The following NRG1 variants were observed in gnomAD, a reference collection of about 807,000 sequenced individuals.
NRG1 encodes neuregulin 1.
In NRG1, 18 loss-of-function variants were observed where a neutral mutation model predicts 63.8. That is an observed-to-expected ratio of 0.28 (90% CI 0.19 to 0.42). The LOEUF (loss-of-function observed/expected upper bound fraction) is 0.42. Among genes scored for constraint, NRG1 ranks in the 10% least tolerant of loss-of-function variants. The probability of loss-of-function intolerance (pLI) is 1.00; values close to 1 mark genes in which losing one functional copy is unlikely to be tolerated. For synonymous variants in NRG1, 302 were observed against 301.3 expected (o/e 1.00, Z -0.02); for missense variants, 762 against 814.7 (o/e 0.94, Z 0.79).
intron 1 of NRG1, among the ~76,000 whole-genome samples, chr8:31,793,966 T>C (rs1820955297): frequency 1.3e-5 from 2 of 152,118 alleles, no homozygotes; most frequent in African/African-American, 4.8e-5. Flanking sequence ...TCATTTTCTC[T>C]CTCTTTGGAA....
intron 1 of NRG1, among the ~76,000 whole-genome samples, chr8:32,428,570 A>G (rs1308867506): frequency 6.6e-6 from 1 of 152,182 alleles, no homozygotes; most frequent in African/African-American, 2.4e-5. Context: ...TTACGTGTGA[A>G]GGGAGGACAC....
intron 1 of NRG1, among the ~76,000 whole-genome samples, chr8:31,772,666 C>T (rs1335746724): frequency 6.6e-6 from 1 of 152,134 alleles, no homozygotes; most frequent in Non-Finnish European, 1.5e-5. Context: ...GGATTTGCTT[C>T]TCACTCCTAA....
At chr8:32,082,612 A>G (rs769627436) in intron 1 of NRG1, among the ~76,000 whole-genome samples, 3 of 152,170 alleles carry the variant, frequency 2.0e-5, no homozygotes, top group Non-Finnish European at 2.9e-5. Context: ...GCAGAAAACT[A>G]TATCTTAAAT....
intron 1 of NRG1, among the ~76,000 whole-genome samples, chr8:32,182,968 A>G (rs911007461): frequency 6.6e-6 from 1 of 152,230 alleles, no homozygotes; most frequent in African/African-American, 2.4e-5. Flanking sequence ...AAAAATTACA[A>G]TGAAAAACTG....
chr8:31,958,743 G>A (rs1350274046), intron 1 of NRG1, among the ~76,000 whole-genome samples: 2 of 152,146 alleles, frequency 1.3e-5, no homozygotes, highest in Admixed American at 6.5e-5. Flanking sequence ...AAAGTTGGGA[G>A]AAATCAAAAT....
chr8:31,813,527 T>TTTTTTG (rs1823124658), intron 1 of NRG1, among the ~76,000 whole-genome samples: 4 of 139,810 alleles, frequency 2.9e-5, no homozygotes, highest in Admixed American at 2.8e-4. Flanking sequence ...TTTTTTTTTT[T>TTTTTTG]TTTTTTGTTT....
At chr8:32,429,036 G>A (rs150841202) in intron 1 of NRG1, among the ~76,000 whole-genome samples, 2 of 152,186 alleles carry the variant, frequency 1.3e-5, no homozygotes, top group Non-Finnish European at 2.9e-5. Context: ...AGTGAACACT[G>A]ACTGCAAAAA....
intron 5 of NRG1, among the ~76,000 whole-genome samples, chr8:32,655,439 A>G (rs1363305598): frequency 2.0e-5 from 3 of 152,224 alleles, no homozygotes; most frequent in Non-Finnish European, 4.4e-5. Context: ...AGAGATTGTG[A>G]TAAGGACAAA....
chr8:31,837,988 A>G (rs986706766), intron 1 of NRG1, among the ~76,000 whole-genome samples: 1 of 152,118 alleles, frequency 6.6e-6, no homozygotes, highest in Non-Finnish European at 1.5e-5. Context: ...TCCTTTGGAT[A>G]TATACCCAGT....
At chr8:31,881,497 C>G (rs1037028395) in intron 1 of NRG1, among the ~76,000 whole-genome samples, 1 of 152,134 alleles carries the variant, frequency 6.6e-6, no homozygotes, top group Admixed American at 6.6e-5. Flanking sequence ...ATTCACAACC[C>G]TATAATGGCT....
intron 5 of NRG1, among the ~76,000 whole-genome samples, chr8:32,665,130 T>C (rs1803813045): frequency 6.6e-6 from 1 of 152,178 alleles, no homozygotes; most frequent in Non-Finnish European, 1.5e-5. Context: ...GAGTGTGTGT[T>C]CCCTTTAATA....
At chr8:32,646,696 A>G (rs1853623058) in intron 5 of NRG1, 1 of 985,292 alleles carries the variant, frequency 1.0e-6, no homozygotes, top group African/African-American at 1.7e-5. Context: ...AGAAAGAAAG[A>G]AAAAGGAGGA....
chr8:31,701,819 C>A (rs1810662256), intron 1 of NRG1, among the ~76,000 whole-genome samples: 1 of 152,182 alleles, frequency 6.6e-6, no homozygotes, highest in South Asian at 2.1e-4. Flanking sequence ...GCTTCTCAAA[C>A]TTTAGCAATG....
intron 1 of NRG1, among the ~76,000 whole-genome samples, chr8:31,918,183 A>G (rs1054025576): frequency 6.6e-6 from 1 of 152,170 alleles, no homozygotes; most frequent in Admixed American, 6.5e-5. Flanking sequence ...TCCTAATTGA[A>G]TACCCTTTAT....
intron 1 of NRG1, among the ~76,000 whole-genome samples, chr8:31,989,183 G>T (rs940792740): frequency 7.0e-6 from 1 of 142,092 alleles, no homozygotes; most frequent in Admixed American, 7.3e-5. Flanking sequence ...GGAGGCAGAG[G>T]TTGCAGTGAA....
chr8:31,826,620 C>T (rs1271986170), intron 1 of NRG1, among the ~76,000 whole-genome samples: 2 of 139,730 alleles, frequency 1.4e-5, no homozygotes, highest in Non-Finnish European at 1.7e-5. Context: ...TACTACCTAT[C>T]CTCCTCCTGG....
intron 1 of NRG1, among the ~76,000 whole-genome samples, chr8:32,415,104 T>A (rs1276222469): frequency 6.6e-6 from 1 of 152,124 alleles, no homozygotes; most frequent in African/African-American, 2.4e-5. Context: ...TGTGGGGGAA[T>A]GTGTTCTATA....
chr8:32,246,165 C>T (rs1473473032), intron 1 of NRG1, among the ~76,000 whole-genome samples: 1 of 152,100 alleles, frequency 6.6e-6, no homozygotes, highest in Non-Finnish European at 1.5e-5. Context: ...GAAAAAGATA[C>T]CAATGACAAA....
intron 1 of NRG1, among the ~76,000 whole-genome samples, chr8:32,469,527 AC>A (rs756606539): frequency 3.3e-5 from 5 of 151,996 alleles, no homozygotes; most frequent in Admixed American, 1.3e-4. Context: ...TCCAGTCACT[AC>A]CCCATCATCT....
Sources: allele counts gnomAD v4.1 joint callset (sites outside exome capture counted in the v4.1 genomes callset), GRCh38; gene constraint gnomAD v4.1.1; transcripts MANE v1.5; gene names NCBI Gene and HGNC (gene_info 2026-07-23, HGNC 2026-07-21).